Variants in MAML1 observed in about 807,000 individuals in gnomAD.
The protein encoded by MAML1 is mastermind like transcriptional coactivator 1, also known as mastermind-like protein 1.
Under a neutral mutation model 77.1 loss-of-function variants are expected in MAML1, and 14 were observed. The observed-to-expected ratio is 0.18, with a 90% CI of 0.12 to 0.28. The LOEUF is 0.28. MAML1 is among the 10% of genes least tolerant of loss of function. The probability of loss-of-function intolerance (pLI) is 1.00; values close to 1 mark genes in which losing one functional copy is unlikely to be tolerated. For missense variants in MAML1, 1,217 were observed against 1,327.8 expected (o/e 0.92, Z 1.30); for synonymous variants, 516 against 551.9 (o/e 0.93, Z 0.91).
intron 1 of MAML1, among the ~76,000 whole-genome samples, chr5:179,755,577 A>G (rs772384458): frequency 5.3e-5 from 8 of 151,340 alleles, no homozygotes; most frequent in Non-Finnish European, 1.2e-4. Context: ...GTTGGAGAGA[A>G]AACACTGCAG....
intron 1 of MAML1, among the ~76,000 whole-genome samples, chr5:179,756,297 C>T (rs991370993): frequency 1.1e-4 from 17 of 151,620 alleles, no homozygotes; most frequent in South Asian, 2.1e-4. Flanking sequence ...TGGTGGCGGG[C>T]GCCTGTGGTC....
chr5:179,733,355 G>A lies in MAML1; in HGVS notation c.243G>A (p.Thr81=), dbSNP rs1345731543. ...AGKHRQPPAA[T]APAPAAPAPR... is the part of the protein sequence containing the mutation. ...AGCACAGGCAGCCGCCCGCCGCCAC[G>A]GCCCCGGCGCCCGCCGCCCCGGCCC... The change falls in exon 1 of 5, where the codon ACG becomes ACA. Residue 81 remains threonine (T), a synonymous_variant. Coordinates refer to ENST00000292599, the MANE Select transcript of MAML1 (RefSeq NM_014757.5). The A allele has an allele frequency of 7.9e-7, 1 of 1,260,906 alleles. No individual in the cohort carries two copies. The highest frequency in any genetic ancestry group is 1.0e-6 in the Non-Finnish European group (1 of 1,003,898). The allele number at this position is 1,260,906 out of a possible 1,614,324, so 78.1% of individuals were successfully genotyped here.
At chr5:179,759,854 A>G (rs75055466) in intron 1 of MAML1, among the ~76,000 whole-genome samples, 2,551 of 152,324 alleles carry the variant, frequency 0.017, 30 homozygotes, top group Non-Finnish European at 0.026. Context: ...AAATAATTCA[A>G]GTGAGAGATA....
chr5:179,765,486 C>A lies in MAML1; in HGVS notation c.476C>A (p.Ser159Tyr). 6.2e-7 allele frequency: 1 copy of A among 1,614,058 alleles called. No homozygotes were observed. The highest frequency in any genetic ancestry group is 8.5e-7 in the Non-Finnish European group (1 of 1,179,974). The change falls in exon 2 of 5, where the codon TCC becomes TAC. Residue 159 changes from serine (S) to tyrosine (Y), a missense_variant. Physicochemically the swap from Ser to Tyr is moderately radical, Grantham distance 144. Around this residue, in one of 3 missense-constraint regions of MAML1, gnomAD observed 312 missense variants for 331.4 expected, o/e 0.94. Coordinates refer to ENST00000292599, the MANE Select transcript of MAML1 (RefSeq NM_014757.5). ...TCTTCCAATGGACTGCCTCCAGCCT[C>A]CCCCCTCGGTCAGTCTGACAAGCCT... The part of the protein sequence containing the change: ...AISSNGLPPA[S>Y]PLGQSDKPSG...
rs1044468521 is a variant in MAML1, at chr5:179,733,383, C to T, written c.271C>T (p.Arg91Cys). The T allele has an allele frequency of 9.2e-6, 11 of 1,194,272 alleles. No homozygotes were observed. The highest frequency in any genetic ancestry group is 1.1e-5 in the Non-Finnish European group (11 of 969,608). The allele number at this position is 1,194,272 out of a possible 1,614,324, so 74.0% of individuals were successfully genotyped here. The part of the protein sequence containing the change: ...TAPAPAAPAP[R>C]LDAADGPEHG... ...CCCGGCGCCCGCCGCCCCGGCCCCG[C>T]GCCTGGACGCCGCTGACGGCCCCGA... is the stretch of plus-strand genomic sequence containing the variant. Residue 91 changes from arginine to cysteine, a missense_variant, in exon 1 of 5, where the codon CGC (arginine) becomes TGC (cysteine). Transcript: ENST00000292599.
Position 179,733,130 on chromosome 5 carries a change from C to T in MAML1, c.18C>T (p.Cys6=). 2 of 1,440,866 alleles carry T rather than the reference C, an allele frequency of 1.4e-6. No individual in the cohort carries two copies. Among genetic ancestry groups the T allele is most frequent in the Non-Finnish European group, 1.8e-6 (2 of 1,099,452 alleles). 89.3% of individuals were successfully genotyped at this position (1,440,866 alleles called of 1,614,324 possible). MVLPT[C]PMAEFALPRH... ...CGCGGCCCATGGTGCTGCCCACCTG[C>T]CCCATGGCGGAGTTCGCGCTGCCGC... The change falls in exon 1 of 5, where the codon TGC becomes TGT. Residue 6 remains cysteine (C), a synonymous_variant. Coordinates refer to ENST00000292599, the MANE Select transcript of MAML1 (RefSeq NM_014757.5).
intron 1 of MAML1, among the ~76,000 whole-genome samples, chr5:179,739,545 A>C (rs957668433): frequency 8.5e-5 from 13 of 152,310 alleles, no homozygotes; most frequent in Middle Eastern, 3.4e-3. Context: ...CTATAAAAGC[A>C]TGGTGGCATG....
At chr5:179,752,847 C>G (rs542955465) in intron 1 of MAML1, among the ~76,000 whole-genome samples, 1 of 152,176 alleles carries the variant, frequency 6.6e-6, no homozygotes, top group Admixed American at 6.5e-5. Context: ...AATCTCGGCT[C>G]ACCGCAACCA....
intron 1 of MAML1, among the ~76,000 whole-genome samples, chr5:179,734,440 C>T (rs770746703): frequency 5.9e-5 from 9 of 152,200 alleles, no homozygotes; most frequent in Non-Finnish European, 1.2e-4. Flanking sequence ...CTGACCTAAC[C>T]TATCTTTTAA....
At position 179,766,867 on chromosome 5, in the gene MAML1, T is replaced by C; in HGVS notation, c.1731+126T>C. On this transcript the variant is annotated intron_variant, in intron 2 of 4. Transcript: ENST00000292599. The surrounding 1 kb of genome is among the most constrained non-coding windows in gnomAD (Gnocchi z 4.0). ...AGGGAGGAGGGAATAGCTGCTGTCA[T>C]CCTTGCTCCTCTTGGGAGTGGAAAT... The C allele has an allele frequency of 1.4e-6, 1 of 698,358 alleles. No individual in the cohort carries two copies. The allele number at this position is 698,358 out of a possible 1,614,324, so 43.3% of individuals were successfully genotyped here.
intron 1 of MAML1, among the ~76,000 whole-genome samples, chr5:179,739,616 A>G (rs973859881): frequency 6.6e-6 from 1 of 152,202 alleles, no homozygotes; most frequent in Non-Finnish European, 1.5e-5. Flanking sequence ...ACCGGGAGGT[A>G]AAGGCTGCAG....
chr5:179,767,064 A>G (rs935794821), intron 2 of MAML1, among the ~76,000 whole-genome samples: 10 of 144,028 alleles, frequency 6.9e-5, no homozygotes, highest in Admixed American at 1.4e-4. Flanking sequence ...GCAGATAAAC[A>G]TTACGTTTCA....
chr5:179,739,589 TAGG>T (rs1267112563), intron 1 of MAML1, among the ~76,000 whole-genome samples: 1 of 152,146 alleles, frequency 6.6e-6, no homozygotes, highest in African/African-American at 2.4e-5. Context: ...GAGACCGAAG[TAGG>T]AGGATTGCGT....
intron 1 of MAML1, among the ~76,000 whole-genome samples, chr5:179,759,679 A>G (rs950400472): frequency 6.6e-6 from 1 of 152,172 alleles, no homozygotes; most frequent in Non-Finnish European, 1.5e-5. Flanking sequence ...AATGTTGACC[A>G]TGGGATTGGG....
intron 1 of MAML1, among the ~76,000 whole-genome samples, chr5:179,755,825 C>T (rs945540992): frequency 1.7e-4 from 26 of 150,772 alleles, no homozygotes; most frequent in Middle Eastern, 3.4e-3. Flanking sequence ...AATGCAATGG[C>T]GTGATCTCAG....
At chr5:179,764,651 ACT>A (rs1254660146) in intron 1 of MAML1, among the ~76,000 whole-genome samples, 4 of 148,070 alleles carry the variant, frequency 2.7e-5, no homozygotes, top group African/African-American at 7.6e-5. Context: ...CAAGAGCGAA[ACT>A]CTGTCTCAAA....
chr5:179,743,611 C>T (rs1200738466), intron 1 of MAML1, among the ~76,000 whole-genome samples: 2 of 151,062 alleles, frequency 1.3e-5, no homozygotes, highest in African/African-American at 2.4e-5. Context: ...GCGATCCACC[C>T]GCCTCAGCCT....
At position 179,777,267 on chromosome 5, in the gene MAML1, T is replaced by C. The variant is rs923914538; in HGVS notation, c.*2390T>C. ...GTTTTATCATTATAAAAATAAAGTA[T>C]TTTGCTAGTATGGAAACAACCTTTG... On this transcript the variant is annotated 3_prime_UTR_variant, in exon 5 of 5. Transcript: ENST00000292599. 3 of 957,100 alleles carry C rather than the reference T, an allele frequency of 3.1e-6. No individual in the cohort carries two copies. In the African/African-American group the frequency reaches 5.3e-5, roughly 17 times the overall value. The allele number at this position is 957,100 out of a possible 1,614,324, so 59.3% of individuals were successfully genotyped here.
intron 2 of MAML1, among the ~76,000 whole-genome samples, chr5:179,767,470 G>A (rs2113377387): frequency 6.6e-6 from 1 of 152,270 alleles, no homozygotes; most frequent in South Asian, 2.1e-4. Context: ...TTCACATGCT[G>A]TAAAATGTTC....
Sources: gnomAD v4.1 joint callset for allele counts (sites outside exome capture counted in the v4.1 genomes callset) on GRCh38, gnomAD v4.1.1 for gene constraint, gnomAD v4.1.1 regional missense constraint, Gnocchi (gnomAD v3.1) non-coding constraint, MANE v1.5 for transcripts, NCBI Gene and HGNC (gene_info 2026-07-23, HGNC 2026-07-21) for gene names.